LPIN2: variants seen among roughly 807,000 people sequenced by gnomAD.
LPIN2 encodes phosphatidate phosphatase LPIN2.
A neutral mutation model predicts 111.4 loss-of-function variants in LPIN2; 55 were observed. The ratio of observed to expected loss-of-function variants is 0.49; its 90% confidence interval spans 0.40 to 0.62. LPIN2 has a LOEUF of 0.62. LPIN2 is among the 20% of genes least tolerant of loss of function. LPIN2 has a pLI of 0.00. For synonymous variants in LPIN2, 425 were observed against 414.0 expected (o/e 1.03, Z -0.32); for missense variants, 992 against 1,112.1 (o/e 0.89, Z 1.54).
At chr18:2,946,462 T>A (rs1378838462) in intron 4 of LPIN2, 1 of 1,480,414 alleles carries the variant, frequency 6.8e-7, no homozygotes, top group Non-Finnish European at 9.4e-7. Flanking sequence ...CTGGGTGATA[T>A]GTGCAAGCAT....
intron 4 of LPIN2, among the ~76,000 whole-genome samples, chr18:2,943,022 C>T (rs978132260): frequency 6.6e-6 from 1 of 152,154 alleles, no homozygotes; most frequent in Non-Finnish European, 1.5e-5. Context: ...GCACTCCAGC[C>T]CTCACAGATG....
intron 1 of LPIN2, among the ~76,000 whole-genome samples, chr18:2,983,308 C>T (rs8094920): frequency 0.12 from 18,323 of 152,072 alleles, 1,268 homozygotes; most frequent in South Asian, 0.17. Flanking sequence ...ACTGGTGTGA[C>T]CCAAGGTATT....
chr18:2,970,626 A>T (rs2077892627), intron 1 of LPIN2, among the ~76,000 whole-genome samples: 1 of 152,260 alleles, frequency 6.6e-6, no homozygotes, highest in African/African-American at 2.4e-5. Flanking sequence ...GGATAAAGCC[A>T]CCTGGAGCCC....
chr18:2,938,204 T>G (rs1906953137), intron 6 of LPIN2, among the ~76,000 whole-genome samples, 167 bp from the exon 7 acceptor site: 2 of 152,170 alleles, frequency 1.3e-5, no homozygotes, highest in South Asian at 4.1e-4. Context: ...AACTAATAAT[T>G]GCCTTTTGTT....
At chr18:2,962,655 C>T (rs1041835534) in intron 1 of LPIN2, among the ~76,000 whole-genome samples, 1 of 152,088 alleles carries the variant, frequency 6.6e-6, no homozygotes, top group Non-Finnish European at 1.5e-5. Context: ...TAAAAAATAA[C>T]ACAGCTAGAT....
rs1486175198 is a variant in LPIN2, at chr18:2,925,090, T to C, written c.1938+134A>G. On this transcript the variant is annotated intron_variant, in intron 14 of 19. Transcript: ENST00000677752. The surrounding 1 kb of genome is among the most constrained non-coding windows in gnomAD (Gnocchi z 4.1). The stretch of plus-strand genomic sequence containing the variant: ...GGGGGCGGCGGTCGTGGTTCCACTG[T>C]GGATAGGCATTGACACGACCATGCC... The C allele has an allele frequency of 3.3e-6, 4 of 1,207,316 alleles. No homozygotes were observed. In the African/African-American group the frequency reaches 4.5e-5, roughly 14 times the overall value. The allele number at this position is 1,207,316 out of a possible 1,614,324, so 74.8% of individuals were successfully genotyped here.
intron 2 of LPIN2, among the ~76,000 whole-genome samples, chr18:2,955,323 A>G (rs1034953557): frequency 5.3e-5 from 8 of 152,092 alleles, no homozygotes; most frequent in Admixed American, 4.6e-4. Flanking sequence ...GGAAACCTTT[A>G]CTCACGGTGA....
At chr18:2,976,443 G>A (rs1285079594) in intron 1 of LPIN2, among the ~76,000 whole-genome samples, 1 of 152,194 alleles carries the variant, frequency 6.6e-6, no homozygotes, top group Non-Finnish European at 1.5e-5. Flanking sequence ...ACCTGCTTTA[G>A]AAAGCAAGCT....
intron 9 of LPIN2, 107 bp from the exon 10 acceptor site, chr18:2,929,265 A>C (rs2077180905): frequency 2.5e-6 from 2 of 792,808 alleles, no homozygotes; most frequent in African/African-American, 1.7e-5. Context: ...TCATCTGTCT[A>C]AAAAAACTAA....
intron 1 of LPIN2, among the ~76,000 whole-genome samples, chr18:2,999,354 T>A (rs1206497369): frequency 6.6e-6 from 1 of 151,350 alleles, no homozygotes; most frequent in East Asian, 1.9e-4. Flanking sequence ...CCCAGCACTC[T>A]GGGAGGCCAA....
rs1224779773 is a variant in LPIN2, at chr18:2,958,141, C to CAAAAAAAAAAAAAAAAAAAAAAAAAAA, written c.192+2507_192+2508insTTTTTTTTTTTTTTTTTTTTTTTTTTT. On this transcript the variant is annotated intron_variant, in intron 2 of 19. Transcript: ENST00000677752. ...TGGGCGACAAAGCGAGACTCCATCT[C>CAAAAAAAAAAAAAAAAAAAAAAAAAAA]AAAAAAAAAAAAAAAACAACAAAAA... 9.2e-4 allele frequency among the ~76,000 whole-genome samples: 11 copies of CAAAAAAAAAAAAAAAAAAAAAAAAAAA among 11,946 alleles called. 2 individuals carry two copies. The highest frequency in any genetic ancestry group is 4.9e-3 in the East Asian group (1 of 204). 7.8% of individuals were successfully genotyped at this position (11,946 alleles called of 152,430 possible).
At chr18:2,954,380 CT>C (rs2077579205) in intron 3 of LPIN2, 123 bp downstream of exon 3, 3 of 716,324 alleles carry the variant, frequency 4.2e-6, no homozygotes, top group Non-Finnish European at 7.5e-6. Flanking sequence ...GAAACTAAAG[CT>C]TGTCTTGCCA....
intron 1 of LPIN2, chr18:2,979,110 A>C (rs1382128265): frequency 6.6e-6 from 1 of 152,366 alleles, no homozygotes; most frequent in East Asian, 1.9e-4. Flanking sequence ...CCCAAAGTGC[A>C]GGATTACAGG....
Position 2,929,075 on chromosome 18 carries a change from T to C in LPIN2, c.1540A>G (p.Ile514Val), listed in dbSNP as rs756376741. The change falls in exon 10 of 20, where the codon ATA becomes GTA. Residue 514 changes from isoleucine (I) to valine (V), a missense_variant. Around this residue, in one of 4 missense-constraint regions of LPIN2, gnomAD observed 709 missense variants for 753.2 expected, o/e 0.94. Coordinates refer to ENST00000677752, the MANE Select transcript of LPIN2 (RefSeq NM_001375808.2). ...LIDNPNLVIR[I>V]YNRYYNWALA... ...AGCAGGAGTATTTACCGATTATATA[T>C]CCTTATTACAAGGTTAGGATTGTCT... The C allele has an allele frequency of 2.5e-6, 4 of 1,579,642 alleles. No homozygotes were observed. The highest frequency in any genetic ancestry group is 1.3e-5 in the African/African-American group (1 of 74,268).
intron 1 of LPIN2, among the ~76,000 whole-genome samples, chr18:2,961,631 G>A (rs1044622378): frequency 2.0e-5 from 3 of 152,116 alleles, no homozygotes; most frequent in African/African-American, 7.2e-5. Context: ...CTAAAGCCAG[G>A]GGTGGCTTTA....
chr18:2,950,143 T>C (rs1410321698), intron 4 of LPIN2: 1 of 152,160 alleles, frequency 6.6e-6, no homozygotes, highest in Non-Finnish European at 1.5e-5. Flanking sequence ...TTTTCCTGGT[T>C]TGACCATTTA....
intron 18 of LPIN2, chr18:2,921,198 G>A (rs533105875): frequency 2.9e-5 from 16 of 547,152 alleles, no homozygotes; most frequent in East Asian, 2.0e-4. Flanking sequence ...AAGTGCTAGC[G>A]AAGGGCCAGC....
chr18:3,008,869 C>T (rs112464721), intron 1 of LPIN2, among the ~76,000 whole-genome samples: 4 of 151,254 alleles, frequency 2.6e-5, no homozygotes, highest in South Asian at 2.1e-4. Context: ...GCCCGCACTA[C>T]CACAGCTGTG....
chr18:2,980,108 A>T (rs563699104), intron 1 of LPIN2, among the ~76,000 whole-genome samples: 10 of 152,296 alleles, frequency 6.6e-5, no homozygotes, highest in African/African-American at 2.4e-4. Context: ...GTGGGAGCTA[A>T]AACATGGCTT....
Sources: gnomAD v4.1 joint callset for allele counts (sites outside exome capture counted in the v4.1 genomes callset) on GRCh38, gnomAD v4.1.1 for gene constraint, gnomAD v4.1.1 regional missense constraint, Gnocchi (gnomAD v3.1) non-coding constraint, MANE v1.5 for transcripts, NCBI Gene and HGNC (gene_info 2026-07-23, HGNC 2026-07-21) for gene names.